ADAMTS19: variants seen among roughly 807,000 people sequenced by gnomAD.
ADAMTS19 encodes the protein A disintegrin and metalloproteinase with thrombospondin motifs 19.
ADAMTS19 carries 93 observed loss-of-function variants against 153.3 expected under a neutral mutation model. The ratio of observed to expected loss-of-function variants is 0.61; its 90% CI spans 0.51 to 0.72. The LOEUF (loss-of-function observed/expected upper bound fraction) is 0.72, where lower values mean the gene tolerates loss of function less well. ADAMTS19 is among the 30% of genes least tolerant of loss of function. ADAMTS19 has a pLI of 0.00. For missense variants in ADAMTS19, 1,482 were observed against 1,552.1 expected (o/e 0.95, Z 0.76); for synonymous variants, 600 against 556.6 (o/e 1.08, Z -1.10).
chr5:129,543,032 TTG>T lies in ADAMTS19; in HGVS notation c.1329-8830_1329-8829del, dbSNP rs1275402479. On this transcript the variant is annotated intron_variant, in intron 6 of 22. Coordinates refer to ENST00000274487, the MANE Select transcript of ADAMTS19 (RefSeq NM_133638.6). ...TAGTTTTTGTTGTTGTTTTTTTTTG[TTG>T]TTGTTGTTGTTTTGTTTTTTTTTTT... Among the ~76,000 whole-genome samples, 19 of 146,652 alleles carry T rather than the reference TTG, an allele frequency of 1.3e-4. 1 individual carries two copies. The highest frequency in any genetic ancestry group is 4.8e-4 in the African/African-American group (19 of 39,460).
chr5:129,679,386 T>C (rs1351067902), intron 16 of ADAMTS19, among the ~76,000 whole-genome samples: 1 of 152,226 alleles, frequency 6.6e-6, no homozygotes, highest in Admixed American at 6.5e-5. Flanking sequence ...GTATGAGATA[T>C]AAAGCCAGTA....
chr5:129,667,494 T>C (rs657621), intron 16 of ADAMTS19, among the ~76,000 whole-genome samples: 22,777 of 152,030 alleles, frequency 0.15, 1,892 homozygotes, highest in East Asian at 0.3. Context: ...ATCATGGGGA[T>C]GGATTTCTCA....
At chr5:129,463,902 C>T (rs1320796777) in intron 2 of ADAMTS19, among the ~76,000 whole-genome samples, 1 of 152,166 alleles carries the variant, frequency 6.6e-6, no homozygotes, top group Admixed American at 6.5e-5. Context: ...AGAAAGATAT[C>T]ACCTGTAAGT....
chr5:129,601,914 C>T (rs920076924), intron 8 of ADAMTS19, among the ~76,000 whole-genome samples: 3 of 152,266 alleles, frequency 2.0e-5, no homozygotes. Context: ...TAGCAAAAAC[C>T]ATCCTGGTAG....
intron 3 of ADAMTS19, among the ~76,000 whole-genome samples, chr5:129,522,967 A>G (rs568998768): frequency 2.6e-5 from 4 of 152,114 alleles, no homozygotes; most frequent in African/African-American, 9.6e-5. Flanking sequence ...GAGGCAGGAG[A>G]ATCACGAGAA....
At position 129,460,438 on chromosome 5, in the gene ADAMTS19, G is replaced by A; in HGVS notation, c.47G>A (p.Cys16Tyr). 1 of 1,614,166 alleles carries A rather than the reference G, an allele frequency of 6.2e-7. No individual in the cohort carries two copies. Among genetic ancestry groups the A allele is most frequent in the South Asian group, 1.1e-5 (1 of 91,088 alleles). ...EMRLTHICCCCLLYQLGFLSN... is the reference protein window; with the variant it reads ...EMRLTHICCCYLLYQLGFLSN... ...CGCCTGACTCACATCTGCTGCTGCT[G>A]CCTCCTTTACCAGCTGGGGTTCCTG... is the stretch of plus-strand genomic sequence containing the variant. The change falls in exon 1 of 23, where the codon TGC becomes TAC. Residue 16 changes from cysteine to tyrosine, a missense_variant. Coordinates refer to ENST00000274487, the MANE Select transcript of ADAMTS19 (RefSeq NM_133638.6).
At chr5:129,549,808 AC>A in intron 6 of ADAMTS19, among the ~76,000 whole-genome samples, 1 of 147,322 alleles carries the variant, frequency 6.8e-6, no homozygotes, top group East Asian at 2.0e-4. Context: ...ATCTATATAT[AC>A]ATATACATGT....
chr5:129,552,176 G>T (rs895700241), intron 7 of ADAMTS19, among the ~76,000 whole-genome samples: 2 of 151,664 alleles, frequency 1.3e-5, no homozygotes, highest in Non-Finnish European at 1.5e-5. Context: ...ACACACATGG[G>T]TTCAATAAAA....
At chr5:129,563,345 C>T (rs1753590104) in intron 7 of ADAMTS19, among the ~76,000 whole-genome samples, 1 of 151,958 alleles carries the variant, frequency 6.6e-6, no homozygotes, top group African/African-American at 2.4e-5. Context: ...ACTGAAAAGC[C>T]TTATTAGTTT....
intron 6 of ADAMTS19, among the ~76,000 whole-genome samples, chr5:129,547,670 A>C (rs1453953056): frequency 2.7e-5 from 4 of 150,714 alleles, no homozygotes; most frequent in Non-Finnish European, 4.4e-5. Context: ...ATTGGAAAAA[A>C]CTACTTTAAA....
chr5:129,531,984 A>G (rs1431285196), intron 6 of ADAMTS19, among the ~76,000 whole-genome samples: 1 of 152,152 alleles, frequency 6.6e-6, no homozygotes, highest in African/African-American at 2.4e-5. Context: ...AAAAATGAGT[A>G]TCAGTCCTAT....
chr5:129,514,834 TG>T (rs1751546322), intron 3 of ADAMTS19, among the ~76,000 whole-genome samples: 1 of 152,090 alleles, frequency 6.6e-6, no homozygotes, highest in Non-Finnish European at 1.5e-5. Flanking sequence ...TGCCTGTGCT[TG>T]TAGTGTATTA....
At chr5:129,474,424 C>T (rs1561530667) in intron 2 of ADAMTS19, among the ~76,000 whole-genome samples, 1 of 152,078 alleles carries the variant, frequency 6.6e-6, no homozygotes. Context: ...ATACCTAGGA[C>T]TGCAATTACT....
At chr5:129,629,158 C>A (rs1464602653) in intron 10 of ADAMTS19, among the ~76,000 whole-genome samples, 1 of 152,064 alleles carries the variant, frequency 6.6e-6, no homozygotes, top group African/African-American at 2.4e-5. Flanking sequence ...CAAATAAGTG[C>A]TCAATAAATA....
rs1304392564 is a variant in ADAMTS19 at position 129,620,596 on chromosome 5, A to T, written c.1479-22A>T. On this transcript the variant is annotated intron_variant, in intron 8 of 22. Coordinates refer to ENST00000274487, the MANE Select transcript of ADAMTS19 (RefSeq NM_133638.6). ...ACATTTACTTAGTGTAAATTTTAAA[A>T]TTTTATTATATTCCAAATCAGCATG... 3 of 1,515,362 alleles carry T rather than the reference A, an allele frequency of 2.0e-6. No homozygotes were observed. The South Asian group carries it at 4.2e-5, about 21-fold the overall frequency. 93.9% of individuals were successfully genotyped at this position (1,515,362 alleles called of 1,614,324 possible). A position where few individuals can be genotyped will look rare whatever the true frequency, so the allele number is the denominator to read the frequency against.
intron 21 of ADAMTS19, among the ~76,000 whole-genome samples, chr5:129,719,553 T>C (rs1389898933): frequency 6.6e-6 from 1 of 152,072 alleles, no homozygotes; most frequent in Non-Finnish European, 1.5e-5. Context: ...TGGAAGTCTT[T>C]TCTTTAGCCC....
rs1326904092 is a variant in ADAMTS19 at position 129,561,546 on chromosome 5, A to AG, written c.1372+9639_1372+9640insG. Among the ~76,000 whole-genome samples the AG allele has an allele frequency of 2.6e-5, 4 of 152,122 alleles. No homozygotes were observed. The East Asian group carries it at 5.8e-4, about 22-fold the overall frequency. ...GCGAGACTCCGTCTCAAAAAAAAAAAAAAAAGAAAAATGGAGGACTATTTT... is the reference window on the plus strand; with the variant it reads ...GCGAGACTCCGTCTCAAAAAAAAAAAGAAAAAGAAAAATGGAGGACTATTTT... On this transcript the variant is annotated intron_variant, in intron 7 of 22. Coordinates refer to ENST00000274487, the MANE Select transcript of ADAMTS19 (RefSeq NM_133638.6).
chr5:129,650,745 T>C (rs1753281478), intron 13 of ADAMTS19, among the ~76,000 whole-genome samples: 1 of 152,150 alleles, frequency 6.6e-6, no homozygotes, highest in African/African-American at 2.4e-5. Context: ...TTTTAACATA[T>C]TTAAGACTCT....
At chr5:129,671,914 A>T (rs956742450) in intron 16 of ADAMTS19, among the ~76,000 whole-genome samples, 2 of 152,080 alleles carry the variant, frequency 1.3e-5, no homozygotes, top group Non-Finnish European at 2.9e-5. Flanking sequence ...ACTAAAAAAA[A>T]ATTAAAATGA....
Sources: gnomAD v4.1 joint callset for allele counts (sites outside exome capture counted in the v4.1 genomes callset) on GRCh38, gnomAD v4.1.1 for gene constraint, MANE v1.5 for transcripts, NCBI Gene and HGNC (gene_info 2026-07-23, HGNC 2026-07-21) for gene names.